C2orf72: variants seen among roughly 807,000 people sequenced by gnomAD.
C2orf72 encodes chromosome 2 open reading frame 72.
A neutral mutation model predicts 14.4 loss-of-function variants in C2orf72; 16 were observed. The observed-to-expected ratio is 1.11, with a 90% CI of 0.75 to 1.69. C2orf72 has a LOEUF of 1.69. Among genes scored for constraint, C2orf72 ranks in the 40% most tolerant of loss-of-function variants. The pLI is 0.00. For synonymous variants in C2orf72, 168 were observed against 176.8 expected (o/e 0.95, Z 0.40); for missense variants, 371 against 358.3 (o/e 1.04, Z -0.29).
chr2:231,042,347 CTG>C (rs1277277001), intron 2 of C2orf72, among the ~76,000 whole-genome samples: 5 of 152,184 alleles, frequency 3.3e-5, no homozygotes, highest in Non-Finnish European at 5.9e-5. Context: ...TACGTATACA[CTG>C]TGTTTTTTAC....
chr2:231,040,267 T>C (rs548928017), intron 1 of C2orf72, among the ~76,000 whole-genome samples: 1 of 152,346 alleles, frequency 6.6e-6, no homozygotes, highest in African/African-American at 2.4e-5. Context: ...TTTCGTTCCC[T>C]TGTGAACATG....
chr2:231,046,931 C>G lies in C2orf72; in HGVS notation c.798C>G (p.Pro266=). ...AGCTGCCACTAACAGCCATATTTCC[C>G]AATGGAGACTGTGATGACCTTGGAA... is the stretch of plus-strand genomic sequence containing the variant. The part of the protein sequence containing the change: ...EEELPLTAIF[P]NGDCDDLGRG... Residue 266 remains proline (P), a synonymous_variant, in exon 3 of 3, where the codon CCC becomes CCG. Transcript: ENST00000373640. 2 of 1,551,672 alleles carry G rather than the reference C, an allele frequency of 1.3e-6. No individual in the cohort carries two copies. Among genetic ancestry groups the G allele is most frequent in the Non-Finnish European group, 1.7e-6 (2 of 1,147,004 alleles).
chr2:231,048,494 G>GTTC lies in C2orf72; in HGVS notation c.*1473_*1474insTTC, dbSNP rs1693447982. Reference sequence around the variant, plus strand: ...TCCAGAACTCCCGGCTGCCAGGGTAGCCCCTACCCCCAGCCCCTTGCTCCT... The same window carrying GTTC: ...TCCAGAACTCCCGGCTGCCAGGGTAGTTCCCCCTACCCCCAGCCCCTTGCTCCT... On this transcript the variant is annotated 3_prime_UTR_variant, in exon 3 of 3. Transcript: ENST00000373640. 1 of 153,484 alleles carries GTTC rather than the reference G, an allele frequency of 6.5e-6. No individual in the cohort carries two copies. The highest frequency in any genetic ancestry group is 2.4e-5 in the African/African-American group (1 of 41,490). 9.5% of individuals were successfully genotyped at this position (153,484 alleles called of 1,614,324 possible).
At position 231,038,210 on chromosome 2, in the gene C2orf72, G is replaced by T; in HGVS notation, c.634+11G>T. ...GAGCCGGGCAACCAGGTGAGACTGCGCGGGGCCCGGCTGGGCGCGGGCGGG... is the reference window on the plus strand; with the variant it reads ...GAGCCGGGCAACCAGGTGAGACTGCTCGGGGCCCGGCTGGGCGCGGGCGGG... On this transcript the variant is annotated intron_variant, in intron 1 of 2. Transcript: ENST00000373640. 3 of 1,184,654 alleles carry T rather than the reference G, an allele frequency of 2.5e-6. No homozygotes were observed. The South Asian group carries it at 1.3e-4, about 50-fold the overall frequency. 73.4% of individuals were successfully genotyped at this position (1,184,654 alleles called of 1,614,324 possible).
In C2orf72 at chr2:231,037,754, G is replaced by C. The variant is rs1468207012; in HGVS notation, c.189G>C (p.Ala63=). 2 of 999,166 alleles carry C rather than the reference G, an allele frequency of 2.0e-6. No individual in the cohort carries two copies. The highest frequency in any genetic ancestry group is 2.4e-6 in the Non-Finnish European group (2 of 840,886). The allele number at this position is 999,166 out of a possible 1,614,324, so 61.9% of individuals were successfully genotyped here. ...ARAVFPPEPG[A]AKPGGAAAEG... ...CGGTGTTCCCGCCGGAGCCAGGCGC[G>C]GCCAAGCCGGGCGGCGCGGCGGCAG... The change falls in exon 1 of 3, where the codon GCG becomes GCC. Residue 63 remains alanine, a synonymous_variant. Coordinates refer to ENST00000373640, the MANE Select transcript of C2orf72 (RefSeq NM_001144994.2).
chr2:231,047,395 C>T lies in C2orf72; in HGVS notation c.*374C>T. ...GCATGGGCACCCATCGTTGAGAGTG[C>T]AGCTGGGAAGAACTCTGAACCAGAA... On this transcript the variant is annotated 3_prime_UTR_variant, in exon 3 of 3. Transcript: ENST00000373640. 2.8e-6 allele frequency: 1 copy of T among 362,934 alleles called. No homozygotes were observed. The allele number at this position is 362,934 out of a possible 1,614,324, so 22.5% of individuals were successfully genotyped here.
rs1693287588 is a variant in C2orf72, at chr2:231,038,209, C to A, written c.634+10C>A. 1 of 1,184,576 alleles carries A rather than the reference C, an allele frequency of 8.4e-7. No homozygotes were observed. Among genetic ancestry groups the A allele is most frequent in the Non-Finnish European group, 1.0e-6 (1 of 957,422 alleles). The allele number at this position is 1,184,576 out of a possible 1,614,324, so 73.4% of individuals were successfully genotyped here. ...GGAGCCGGGCAACCAGGTGAGACTG[C>A]GCGGGGCCCGGCTGGGCGCGGGCGG... is the stretch of plus-strand genomic sequence containing the variant. On this transcript the variant is annotated intron_variant, in intron 1 of 2. Transcript: ENST00000373640.
At chr2:231,043,917 T>G (rs1306931463) in intron 2 of C2orf72, among the ~76,000 whole-genome samples, 1 of 152,220 alleles carries the variant, frequency 6.6e-6, no homozygotes, top group African/African-American at 2.4e-5. Flanking sequence ...TAGAGTGTAC[T>G]TAGAAACCTG....
In C2orf72 at chr2:231,048,039, C is replaced by G. The variant is rs1693441572; in HGVS notation, c.*1018C>G. ...TTGCTCTAGCTCTCAGGTCCTAGCC[C>G]AAGCTCAATGCAAACACAGCCCCTC... On this transcript the variant is annotated 3_prime_UTR_variant, in exon 3 of 3. Coordinates refer to ENST00000373640, the MANE Select transcript of C2orf72 (RefSeq NM_001144994.2). The G allele has an allele frequency of 6.6e-6, 1 of 152,280 alleles. No individual in the cohort carries two copies. Among genetic ancestry groups the G allele is most frequent in the Non-Finnish European group, 1.5e-5 (1 of 68,066 alleles). The allele number at this position is 152,280 out of a possible 1,614,324, so 9.4% of individuals were successfully genotyped here.
intron 1 of C2orf72, among the ~76,000 whole-genome samples, chr2:231,038,400 A>G (rs1038924149): frequency 2.6e-5 from 4 of 151,632 alleles, no homozygotes; most frequent in African/African-American, 4.8e-5. Flanking sequence ...AAGGGTCCGG[A>G]GTGCACGGGA....
Position 231,037,803 on chromosome 2 carries a change from C to A in C2orf72, c.238C>A (p.Arg80Ser). 1 of 981,676 alleles carries A rather than the reference C, an allele frequency of 1.0e-6. No homozygotes were observed. Among genetic ancestry groups the A allele is most frequent in the Non-Finnish European group, 1.2e-6 (1 of 829,194 alleles). The allele number at this position is 981,676 out of a possible 1,614,324, so 60.8% of individuals were successfully genotyped here. Residue 80 changes from arginine (R) to serine (S), a missense_variant, in exon 1 of 3, where the codon CGC (arginine) becomes AGC (serine). By Grantham distance (110) the Arg-to-Ser change is moderately radical. Around this residue, in one of 3 missense-constraint regions of C2orf72, gnomAD observed 214 missense variants for 178.7 expected, o/e 1.20. Coordinates refer to ENST00000373640, the MANE Select transcript of C2orf72 (RefSeq NM_001144994.2). ...AAEGAGPGAARGAQRAARAAG... is the reference protein window; with the variant it reads ...AAEGAGPGAASGAQRAARAAG... ...AGAGGGCGCGGGGCCCGGGGCGGCG[C>A]GCGGGGCGCAGAGGGCGGCGAGGGC...
rs1693267535 is a variant in C2orf72, at chr2:231,037,530, G to C, written c.-36G>C. Reference sequence around the variant, plus strand: ...GAGAGGCGGGCAGCGGGTGCGCCCGGGCCGCGGCGGCCGCAGAGGGCGGGC... The same window carrying C: ...GAGAGGCGGGCAGCGGGTGCGCCCGCGCCGCGGCGGCCGCAGAGGGCGGGC... On this transcript the variant is annotated 5_prime_UTR_variant, in exon 1 of 3. Transcript: ENST00000373640. The C allele has an allele frequency of 2.0e-6, 2 of 998,276 alleles. No homozygotes were observed. Among genetic ancestry groups the C allele is most frequent in the Non-Finnish European group, 1.2e-6 (1 of 840,336 alleles). The allele number at this position is 998,276 out of a possible 1,614,324, so 61.8% of individuals were successfully genotyped here.
intron 1 of C2orf72, among the ~76,000 whole-genome samples, chr2:231,038,692 C>A (rs1693295008): frequency 6.6e-6 from 1 of 151,988 alleles, no homozygotes; most frequent in African/African-American, 2.4e-5. Flanking sequence ...GGGGCATCTC[C>A]AGCGCGGTGG....
At chr2:231,039,696 A>G (rs147527746) in intron 1 of C2orf72, among the ~76,000 whole-genome samples, 120 of 151,856 alleles carry the variant, frequency 7.9e-4, no homozygotes, top group Non-Finnish European at 1.4e-3. Flanking sequence ...CAGGCCTCCA[A>G]TAGAAAGAAG....
At position 231,037,533 on chromosome 2, in the gene C2orf72, C is replaced by T. The variant is rs1293953542; in HGVS notation, c.-33C>T. 4 of 998,622 alleles carry T rather than the reference C, an allele frequency of 4.0e-6. No individual in the cohort carries two copies. Among genetic ancestry groups the T allele is most frequent in the African/African-American group, 1.8e-5 (1 of 56,882 alleles). 61.9% of individuals were successfully genotyped at this position (998,622 alleles called of 1,614,324 possible). ...AGGCGGGCAGCGGGTGCGCCCGGGC[C>T]GCGGCGGCCGCAGAGGGCGGGCGGC... On this transcript the variant is annotated 5_prime_UTR_variant, in exon 1 of 3. Transcript: ENST00000373640.
At chr2:231,043,433 A>G (rs186600062) in intron 2 of C2orf72, among the ~76,000 whole-genome samples, 1 of 152,334 alleles carries the variant, frequency 6.6e-6, no homozygotes, top group Admixed American at 6.5e-5. Context: ...AATGTGAAAC[A>G]TCATTCACTT....
intron 2 of C2orf72, among the ~76,000 whole-genome samples, chr2:231,045,836 T>C (rs1488205450): frequency 6.6e-6 from 1 of 152,224 alleles, no homozygotes; most frequent in African/African-American, 2.4e-5. Context: ...TTCAGTCTTA[T>C]GGGACCACTC....
intron 2 of C2orf72, among the ~76,000 whole-genome samples, 176 bp downstream of exon 2, chr2:231,041,585 T>A (rs1693340721): frequency 6.6e-6 from 1 of 151,902 alleles, no homozygotes; most frequent in Non-Finnish European, 1.5e-5. Flanking sequence ...AGTGGGCACA[T>A]GGGCTCGGTC....
At chr2:231,040,909 T>C (rs1221234310) in intron 1 of C2orf72, among the ~76,000 whole-genome samples, 1 of 152,208 alleles carries the variant, frequency 6.6e-6, no homozygotes, top group Non-Finnish European at 1.5e-5. Context: ...CTTTATAGAT[T>C]ACTAAAAAAT....
Sources: allele counts gnomAD v4.1 joint callset (sites outside exome capture counted in the v4.1 genomes callset), GRCh38; gene constraint gnomAD v4.1.1; regional missense constraint gnomAD v4.1.1; transcripts MANE v1.5; gene names NCBI Gene and HGNC (gene_info 2026-07-23, HGNC 2026-07-21).